The following KCNQ1 variants were observed in gnomAD, a reference collection of about 807,000 sequenced individuals.
The protein encoded by KCNQ1 is potassium voltage-gated channel subfamily Q member 1, also known as potassium voltage-gated channel subfamily KQT member 1.
KCNQ1 carries 49 observed loss-of-function variants against 72.4 expected under a neutral mutation model. The observed-to-expected ratio is 0.68, with a 90% confidence interval of 0.54 to 0.86. The LOEUF (loss-of-function observed/expected upper bound fraction) is 0.86, where lower values mean the gene tolerates loss of function less well. Among genes scored for constraint, KCNQ1 ranks in the 40% least tolerant of loss-of-function variants. The pLI is 0.00. For synonymous variants in KCNQ1, 450 were observed against 412.6 expected (o/e 1.09, Z -1.10); for missense variants, 790 against 945.1 (o/e 0.84, Z 2.15).
intron 11 of KCNQ1, chr11:2,680,600 A>G (rs566300567): frequency 1.5e-5 from 6 of 398,444 alleles, no homozygotes; most frequent in Non-Finnish European, 2.7e-5. Context: ...CCCCGATAGT[A>G]ACATCTTGCA....
At chr11:2,761,684 C>T (rs137964680) in intron 11 of KCNQ1, among the ~76,000 whole-genome samples, 1 of 152,314 alleles carries the variant, frequency 6.6e-6, no homozygotes, top group Non-Finnish European at 1.5e-5. Flanking sequence ...GCAAGCCGGG[C>T]CCTTCTCTCT....
At chr11:2,770,171 T>C (rs1846568773) in intron 12 of KCNQ1, among the ~76,000 whole-genome samples, 1 of 152,078 alleles carries the variant, frequency 6.6e-6, no homozygotes. Flanking sequence ...GGCCCCAGGA[T>C]TGACACAGGC....
chr11:2,487,834 T>G (rs1589908175), intron 1 of KCNQ1, among the ~76,000 whole-genome samples: 1 of 152,206 alleles, frequency 6.6e-6, no homozygotes, highest in African/African-American at 2.4e-5. Flanking sequence ...GTCTTTTTTT[T>G]CCATTCTGGA....
chr11:2,699,167 G>A (rs563294057), intron 11 of KCNQ1: 1 of 398,672 alleles, frequency 2.5e-6, no homozygotes, highest in African/African-American at 2.1e-5. Context: ...GAACCACCAT[G>A]AGAACTATAG....
intron 2 of KCNQ1, among the ~76,000 whole-genome samples, chr11:2,532,111 G>A (rs111815403): frequency 0.047 from 7,222 of 152,246 alleles, 246 homozygotes; most frequent in African/African-American, 0.082. Flanking sequence ...TCAGGCCTCT[G>A]CTTGGCACTA....
At position 2,710,328 on chromosome 11, in the gene KCNQ1, T is replaced by C. The variant is rs78282031; in HGVS notation, c.1514+48247T>C. Among the ~76,000 whole-genome samples the C allele has an allele frequency of 0.011, 1,729 of 152,358 alleles. 56 individuals carry two copies. Among genetic ancestry groups the C allele is most frequent in the East Asian group, 0.09 (468 of 5,194 alleles). ...TTGCCCAAATTTTAATTGGGTTGTG[T>C]TTTTATTATTTAGTAGAGTTCTTTA... On this transcript the variant is annotated intron_variant, in intron 11 of 15. Coordinates refer to ENST00000155840, the MANE Select transcript of KCNQ1 (RefSeq NM_000218.3). This position sits in a 1 kb window ranked among gnomAD's most constrained non-coding sequence, Gnocchi z 4.1.
At chr11:2,616,499 C>A (rs1849066970) in intron 10 of KCNQ1, 1 of 397,676 alleles carries the variant, frequency 2.5e-6, no homozygotes, top group Non-Finnish European at 4.4e-6. Flanking sequence ...ATGGATCCTT[C>A]TTCTTTTTCA....
chr11:2,640,859 A>G (rs531490868), intron 10 of KCNQ1: 1 of 399,514 alleles, frequency 2.5e-6, no homozygotes, highest in Non-Finnish European at 4.4e-6. Flanking sequence ...TTTGGTATCT[A>G]TCCTTCTACT....
In KCNQ1 at chr11:2,624,266, G is replaced by A; in HGVS notation, c.1393+35412G>A. The A allele has an allele frequency of 2.5e-6, 1 of 398,462 alleles. No homozygotes were observed. Among genetic ancestry groups the A allele is most frequent in the Middle Eastern group, 6.3e-4 (1 of 1,588 alleles). 24.7% of individuals were successfully genotyped at this position (398,462 alleles called of 1,614,324 possible). A position where few individuals can be genotyped will look rare whatever the true frequency, so the allele number is the denominator to read the frequency against. On this transcript the variant is annotated intron_variant, in intron 10 of 15. Coordinates refer to ENST00000155840, the MANE Select transcript of KCNQ1 (RefSeq NM_000218.3). The surrounding 1 kb of genome is among the most constrained non-coding windows in gnomAD (Gnocchi z 4.9). ...CTTCAGTCCATTTTGTAATCAGATTGTTTGTTTTCTAATTGTTATGTTTTT... is the reference window on the plus strand; with the variant it reads ...CTTCAGTCCATTTTGTAATCAGATTATTTGTTTTCTAATTGTTATGTTTTT...
chr11:2,545,564 T>C (rs1847892537), intron 2 of KCNQ1, among the ~76,000 whole-genome samples: 1 of 152,186 alleles, frequency 6.6e-6, no homozygotes, highest in African/African-American at 2.4e-5. Context: ...ATTCAGGTGA[T>C]TGATAATAGT....
chr11:2,775,116 C>A (rs1030296373), intron 12 of KCNQ1, among the ~76,000 whole-genome samples: 6 of 152,230 alleles, frequency 3.9e-5, no homozygotes, highest in African/African-American at 1.4e-4. Context: ...TATGTGCTGG[C>A]TTGCCTGCAG....
At chr11:2,847,051 C>T (rs970379824) in intron 15 of KCNQ1, among the ~76,000 whole-genome samples, 3 of 152,188 alleles carry the variant, frequency 2.0e-5, no homozygotes, top group African/African-American at 2.4e-5. Flanking sequence ...GTGGTGTCCC[C>T]GCTAGGTTAA....
chr11:2,557,226 T>C lies in KCNQ1; in HGVS notation c.478-13402T>C, dbSNP rs78188354. ...GAAGCCCAAACAAGACAAGTGTGAATGAGATCAGGCACTATTAGAAGACCT... is the reference window on the plus strand; with the variant it reads ...GAAGCCCAAACAAGACAAGTGTGAACGAGATCAGGCACTATTAGAAGACCT... On this transcript the variant is annotated intron_variant, in intron 2 of 15. Coordinates refer to ENST00000155840, the MANE Select transcript of KCNQ1 (RefSeq NM_000218.3). Among the ~76,000 whole-genome samples, 897 of 152,336 alleles carry C rather than the reference T, an allele frequency of 5.9e-3. 6 individuals carry two copies. Among genetic ancestry groups the C allele is most frequent in the African/African-American group, 0.018 (750 of 41,574 alleles).
rs551505055 is a variant in KCNQ1, at chr11:2,571,429, C to T, written c.683+26C>T. ...GTGCGTCTGTGCCACAAGCTCCCCC[C>T]GCCATGCCGCCCCACCCCGAGCACC... On this transcript the variant is annotated intron_variant, in intron 4 of 15. Transcript: ENST00000155840. The T allele has an allele frequency of 2.5e-4, 397 of 1,590,762 alleles. 4 individuals carry two copies. In the South Asian group the frequency reaches 2.5e-3, roughly 10 times the overall value.
chr11:2,692,120 A>G, intron 11 of KCNQ1: 1 of 398,676 alleles, frequency 2.5e-6, no homozygotes, highest in Non-Finnish European at 4.4e-6. Context: ...ATCATTTTAT[A>G]GCCCACTCTA....
At chr11:2,614,960 A>C in intron 10 of KCNQ1, 1 of 398,460 alleles carries the variant, frequency 2.5e-6, no homozygotes, top group Non-Finnish European at 4.4e-6. Flanking sequence ...TAAGGGTTGC[A>C]TTGAATCTGT....
In KCNQ1 at chr11:2,803,162, C is replaced by CTT. The variant is rs1554925306; in HGVS notation, c.1794+25125_1794+25126insTT. On this transcript the variant is annotated intron_variant, in intron 15 of 15. Coordinates refer to ENST00000155840, the MANE Select transcript of KCNQ1 (RefSeq NM_000218.3). The surrounding 1 kb of genome is among the most constrained non-coding windows in gnomAD (Gnocchi z 6.4). ...CCAGAAAACCCAGCCGGGCCCCCCC[C>CTT]CCCACGGGCACCCAGGAACCGCCCT... is the stretch of plus-strand genomic sequence containing the variant. 9.8e-6 allele frequency among the ~76,000 whole-genome samples: 1 copy of CTT among 102,264 alleles called. No individual in the cohort carries two copies. Among genetic ancestry groups the CTT allele is most frequent in the African/African-American group, 4.9e-5 (1 of 20,614 alleles). The allele number at this position is 102,264 out of a possible 152,430, so 67.1% of individuals were successfully genotyped here.
rs910913694 is a variant in KCNQ1 at position 2,736,000 on chromosome 11, T to C, written c.1515-32844T>C. 6.6e-6 allele frequency among the ~76,000 whole-genome samples: 1 copy of C among 152,146 alleles called. No homozygotes were observed. The highest frequency in any genetic ancestry group is 1.5e-5 in the Non-Finnish European group (1 of 68,020). ...CAGTGTGTCTGGAGCCCCTTCCCTG[T>C]GTACAAAGGGACAGAGAAGCGAGGG... On this transcript the variant is annotated intron_variant, in intron 11 of 15. Coordinates refer to ENST00000155840, the MANE Select transcript of KCNQ1 (RefSeq NM_000218.3). The surrounding 1 kb of genome is among the most constrained non-coding windows in gnomAD (Gnocchi z 7.7).
rs117153870 is a variant in KCNQ1, at chr11:2,829,811, G to T, written c.1795-17956G>T. 8.9e-3 allele frequency among the ~76,000 whole-genome samples: 1,357 copies of T among 152,154 alleles called. 13 individuals are homozygous for T. The highest frequency in any genetic ancestry group is 0.016 in the Non-Finnish European group (1,068 of 68,004). On this transcript the variant is annotated intron_variant, in intron 15 of 15. Transcript: ENST00000155840. ...CTGGGAACAGAAATTAGAGATAGAAGATCTAGCGCCCAGGGAAGGCTGTTT... is the reference window on the plus strand; with the variant it reads ...CTGGGAACAGAAATTAGAGATAGAATATCTAGCGCCCAGGGAAGGCTGTTT...
Sources: allele counts gnomAD v4.1 joint callset (sites outside exome capture counted in the v4.1 genomes callset), GRCh38; gene constraint gnomAD v4.1.1; non-coding constraint Gnocchi (gnomAD v3.1); transcripts MANE v1.5; gene names NCBI Gene and HGNC (gene_info 2026-07-23, HGNC 2026-07-21).